NMT2: variants seen among roughly 807,000 people sequenced by gnomAD.
The protein encoded by NMT2 is glycylpeptide N-tetradecanoyltransferase 2.
A neutral mutation model predicts 65.4 loss-of-function variants in NMT2; 35 were observed. The observed-to-expected ratio is 0.54, with a 90% CI of 0.41 to 0.71. The LOEUF is 0.71. NMT2 is among the 30% of genes least tolerant of loss of function. The pLI, the probability that NMT2 is intolerant of heterozygous loss-of-function variation, is 0.00. For missense variants in NMT2, 489 were observed against 611.3 expected (o/e 0.80, Z 2.11); for synonymous variants, 226 against 231.8 (o/e 0.98, Z 0.23).
intron 1 of NMT2, among the ~76,000 whole-genome samples, chr10:15,143,794 G>A (rs1846860562): frequency 6.6e-6 from 1 of 152,158 alleles, no homozygotes; most frequent in Non-Finnish European, 1.5e-5. Context: ...CTGGGAGGCT[G>A]CAGTGAGCCA....
At chr10:15,148,021 T>C (rs1394151743) in intron 1 of NMT2, among the ~76,000 whole-genome samples, 1 of 152,240 alleles carries the variant, frequency 6.6e-6, no homozygotes, top group Non-Finnish European at 1.5e-5. Context: ...AGGTCTTTTC[T>C]CTTTCACATT....
At position 15,105,988 on chromosome 10, in the gene NMT2, T is replaced by A. The variant is rs1392973957; in HGVS notation, c.*3207A>T. ...TCATGACAAAGTTTCCAACTGGCAA[T>A]GCTGCAGTTATTTATTTTACTTTCG... On this transcript the variant is annotated 3_prime_UTR_variant, in exon 12 of 12. Transcript: ENST00000378165. The A allele has an allele frequency of 2.4e-6, 1 of 415,416 alleles. No individual in the cohort carries two copies. Among genetic ancestry groups the A allele is most frequent in the Non-Finnish European group, 4.7e-6 (1 of 210,782 alleles). 25.7% of individuals were successfully genotyped at this position (415,416 alleles called of 1,614,324 possible).
At chr10:15,130,401 G>A in intron 6 of NMT2, 89 bp from the exon 7 acceptor site, 1 of 997,218 alleles carries the variant, frequency 1.0e-6, no homozygotes, top group Non-Finnish European at 1.4e-6. Flanking sequence ...TGATACCCAG[G>A]AAATATCCAA....
At chr10:15,110,699 C>G (rs1352924663) in intron 10 of NMT2, among the ~76,000 whole-genome samples, 1 of 152,026 alleles carries the variant, frequency 6.6e-6, no homozygotes, top group Non-Finnish European at 1.5e-5. Context: ...ACGCTGAATC[C>G]CAAAAATGTT....
At chr10:15,167,733 G>C (rs143287717) in intron 1 of NMT2, among the ~76,000 whole-genome samples, 113 of 152,340 alleles carry the variant, frequency 7.4e-4, no homozygotes, top group African/African-American at 2.7e-3. Flanking sequence ...AGGGTTCGGG[G>C]GCAAAGGGAA....
chr10:15,128,127 AC>A (rs992611140), intron 8 of NMT2, among the ~76,000 whole-genome samples: 19 of 152,264 alleles, frequency 1.2e-4, no homozygotes, highest in Admixed American at 5.2e-4. Flanking sequence ...TTATCCAACT[AC>A]CAATGAAACA....
intron 9 of NMT2, among the ~76,000 whole-genome samples, chr10:15,114,268 C>T (rs937497025): frequency 2.0e-5 from 3 of 152,096 alleles, no homozygotes; most frequent in African/African-American, 7.2e-5. Context: ...ATTAGGTTCC[C>T]CACCCCATTT....
intron 1 of NMT2, among the ~76,000 whole-genome samples, chr10:15,160,589 C>A (rs1376973582): frequency 6.6e-6 from 1 of 151,520 alleles, no homozygotes; most frequent in East Asian, 2.0e-4. Flanking sequence ...AGCCGGCCAA[C>A]GTGGTGAAAC....
At chr10:15,143,383 C>T (rs1244278404) in intron 1 of NMT2, among the ~76,000 whole-genome samples, 1 of 152,176 alleles carries the variant, frequency 6.6e-6, no homozygotes, top group Non-Finnish European at 1.5e-5. Context: ...TTTCCAGAAA[C>T]CACTAGGAGC....
At chr10:15,132,679 C>T (rs1422303185) in intron 6 of NMT2, 138 bp downstream of exon 6, 3 of 566,406 alleles carry the variant, frequency 5.3e-6, no homozygotes, top group African/African-American at 3.8e-5. Flanking sequence ...CTATCTGCCT[C>T]AGCCTCCCAA....
At chr10:15,159,635 C>T (rs1455501054) in intron 1 of NMT2, among the ~76,000 whole-genome samples, 1 of 152,134 alleles carries the variant, frequency 6.6e-6, no homozygotes, top group Non-Finnish European at 1.5e-5. Flanking sequence ...ACCATGTAGC[C>T]CAGGCTGCTC....
intron 1 of NMT2, among the ~76,000 whole-genome samples, chr10:15,158,611 A>G (rs1448092859): frequency 1.3e-5 from 2 of 152,202 alleles, no homozygotes; most frequent in Non-Finnish European, 2.9e-5. Context: ...TGGAGACTGA[A>G]AGTGCTGTCT....
intron 1 of NMT2, chr10:15,155,135 C>G (rs11259521): frequency 1.3e-6 from 2 of 1,504,378 alleles, no homozygotes; most frequent in African/African-American, 2.8e-5. Flanking sequence ...AGTCACCACC[C>G]TGACACAAAA....
intron 8 of NMT2, among the ~76,000 whole-genome samples, chr10:15,121,619 G>A (rs1308007709): frequency 6.6e-6 from 1 of 152,094 alleles, no homozygotes; most frequent in Non-Finnish European, 1.5e-5. Flanking sequence ...TGCCCACCTC[G>A]GCCTCCCAAA....
chr10:15,168,644 G>GGGGCC lies in NMT2; in HGVS notation c.-37_-33dup. 1 of 1,537,774 alleles carries GGGGCC rather than the reference G, an allele frequency of 6.5e-7. No individual in the cohort carries two copies. The highest frequency in any genetic ancestry group is 8.8e-7 in the Non-Finnish European group (1 of 1,142,154). On this transcript the variant is annotated 5_prime_UTR_variant, in exon 1 of 12. Transcript: ENST00000378165. ...GGCGCTGGCTGGGGAGGCGGTGCTCGGGGCCGGGCCGGAGCGGCCGCAGCT... is the reference window on the plus strand; with the variant it reads ...GGCGCTGGCTGGGGAGGCGGTGCTCGGGGCCGGGCCGGGCCGGAGCGGCCGCAGCT...
chr10:15,168,602 T>G lies in NMT2; in HGVS notation c.11A>C (p.Asp4Ala), dbSNP rs1441808649. MAE[D>A]SESAASQQSL... ...CTGCTGGCTGGCCGCAGACTCGCTG[T>G]CCTCCGCCATCGCGGCGGCGCTGGC... The change falls in exon 1 of 12, where the codon GAC becomes GCC. Residue 4 changes from aspartate to alanine, a missense_variant. Transcript: ENST00000378165. 1 of 1,579,318 alleles carries G rather than the reference T, an allele frequency of 6.3e-7. No individual in the cohort carries two copies. Among genetic ancestry groups the G allele is most frequent in the Non-Finnish European group, 8.6e-7 (1 of 1,168,450 alleles).
intron 7 of NMT2, among the ~76,000 whole-genome samples, 164 bp downstream of exon 7, chr10:15,129,978 A>G (rs1846219784): frequency 6.6e-6 from 1 of 151,546 alleles, no homozygotes; most frequent in Non-Finnish European, 1.5e-5. Flanking sequence ...CTTTTTTTTA[A>G]TCACCAAGTG....
At chr10:15,127,588 AAAT>A (rs1452343785) in intron 8 of NMT2, among the ~76,000 whole-genome samples, 45 of 81,254 alleles carry the variant, frequency 5.5e-4, no homozygotes, top group East Asian at 3.6e-3. Flanking sequence ...ATAAATAAAT[AAAT>A]AAATAAAATA....
Position 15,106,064 on chromosome 10 carries a change from G to C in NMT2, c.*3131C>G, listed in dbSNP as rs7088248. ...GGCTGGAGTGCAGTGGTGTGATCCC[G>C]GCTCACTGCAACCCCGCCTCCTGGG... is the stretch of plus-strand genomic sequence containing the variant. On this transcript the variant is annotated 3_prime_UTR_variant, in exon 12 of 12. Coordinates refer to ENST00000378165, the MANE Select transcript of NMT2 (RefSeq NM_004808.3). 0.017 allele frequency: 6,281 copies of C among 368,212 alleles called. 350 individuals carry two copies. The highest frequency in any genetic ancestry group is 0.12 in the African/African-American group (5,571 of 44,830). 22.8% of individuals were successfully genotyped at this position (368,212 alleles called of 1,614,324 possible).
Sources: allele counts gnomAD v4.1 joint callset (sites outside exome capture counted in the v4.1 genomes callset), GRCh38; gene constraint gnomAD v4.1.1; transcripts MANE v1.5; gene names NCBI Gene and HGNC (gene_info 2026-07-23, HGNC 2026-07-21).